Variants in MYO5B observed in about 807,000 individuals in gnomAD.
MYO5B encodes the protein unconventional myosin-Vb.
In MYO5B, 143 loss-of-function variants were observed where a neutral mutation model predicts 229.3. That is an observed-to-expected ratio of 0.62 (90% CI 0.54 to 0.72). The LOEUF (loss-of-function observed/expected upper bound fraction) is 0.72, where lower values mean the gene tolerates loss of function less well. MYO5B is among the 30% of genes least tolerant of loss of function. The pLI, the probability that MYO5B is intolerant of heterozygous loss-of-function variation, is 0.00. For missense variants in MYO5B, 2,321 were observed against 2,331.0 expected (o/e 1.00, Z 0.09); for synonymous variants, 918 against 885.2 (o/e 1.04, Z -0.66).
chr18:49,929,725 C>A, intron 16 of MYO5B, 127 bp from the exon 17 acceptor site: 2 of 816,852 alleles, frequency 2.4e-6, no homozygotes, highest in Non-Finnish European at 4.0e-6. Flanking sequence ...GTTACAGCCA[C>A]TGAGTTACCC....
At chr18:49,973,575 T>G (rs1332008672) in intron 10 of MYO5B, among the ~76,000 whole-genome samples, 1 of 152,174 alleles carries the variant, frequency 6.6e-6, no homozygotes, top group Non-Finnish European at 1.5e-5. Flanking sequence ...AGAAAAGAAG[T>G]GCAAGGTAGG....
At chr18:50,002,755 T>A (rs535993871) in intron 4 of MYO5B, among the ~76,000 whole-genome samples, 20 of 152,268 alleles carry the variant, frequency 1.3e-4, no homozygotes, top group Admixed American at 2.0e-4. Context: ...TATATATCAC[T>A]AAACTGGAAG....
intron 1 of MYO5B, among the ~76,000 whole-genome samples, chr18:50,148,266 C>G (rs1010441799): frequency 9.3e-5 from 14 of 149,794 alleles, no homozygotes; most frequent in African/African-American, 3.2e-4. Flanking sequence ...CAAGGAGGAA[C>G]TGGTACCATT....
In MYO5B at chr18:49,912,179, G is replaced by A. The variant is rs1237163441; in HGVS notation, c.2091-6C>T. 3.1e-6 allele frequency: 5 copies of A among 1,612,440 alleles called. No homozygotes were observed. The highest frequency in any genetic ancestry group is 4.2e-6 in the Non-Finnish European group (5 of 1,178,888). ...AAAAGTCATGGTAGGCCCACCTGGA[G>A]GGAAAGCAAAGGGGCATCAGGTGAC... On this transcript the variant is annotated splice_region_variant and splice_polypyrimidine_tract_variant and intron_variant, in intron 17 of 39. Coordinates refer to ENST00000285039, the MANE Select transcript of MYO5B (RefSeq NM_001080467.3).
At chr18:49,844,092 AG>A (rs2024096617) in intron 33 of MYO5B, among the ~76,000 whole-genome samples, 1 of 152,212 alleles carries the variant, frequency 6.6e-6, no homozygotes, top group Admixed American at 6.5e-5. Flanking sequence ...TGCCTGGGCA[AG>A]GGCTGCTCTG....
chr18:50,115,975 A>C (rs984241285), intron 1 of MYO5B, among the ~76,000 whole-genome samples: 12 of 152,210 alleles, frequency 7.9e-5, no homozygotes, highest in African/African-American at 2.9e-4. Flanking sequence ...GAAACTAACA[A>C]TGCAACACCA....
intron 1 of MYO5B, among the ~76,000 whole-genome samples, chr18:50,138,753 G>A (rs1273691462): frequency 2.0e-5 from 3 of 152,052 alleles, no homozygotes; most frequent in Non-Finnish European, 2.9e-5. Flanking sequence ...TTAAACCCTT[G>A]TTATCCACAG....
intron 33 of MYO5B, 68 bp downstream of exon 33, chr18:49,847,078 G>A: frequency 6.3e-7 from 1 of 1,599,298 alleles, no homozygotes; most frequent in Non-Finnish European, 8.6e-7. Context: ...GGGTTGTGCT[G>A]GGGATGGAGA....
Position 49,955,687 on chromosome 18 carries a change from A to C in MYO5B, c.1546-1252T>G, listed in dbSNP as rs1047070322. 1.3e-4 allele frequency among the ~76,000 whole-genome samples: 20 copies of C among 152,262 alleles called. No homozygotes were observed. In the East Asian group the frequency reaches 3.7e-3, roughly 28 times the overall value. ...AATACTCAATGCTAAACACCATAGGAAATTCAAGAAAAGAAAACTATCTTG... is the reference window on the plus strand; with the variant it reads ...AATACTCAATGCTAAACACCATAGGCAATTCAAGAAAAGAAAACTATCTTG... On this transcript the variant is annotated intron_variant, in intron 12 of 39. Coordinates refer to ENST00000285039, the MANE Select transcript of MYO5B (RefSeq NM_001080467.3).
intron 25 of MYO5B, 104 bp downstream of exon 25, chr18:49,877,659 G>A (rs2024541699): frequency 6.6e-7 from 1 of 1,516,676 alleles, no homozygotes; most frequent in Non-Finnish European, 9.1e-7. Context: ...GGGCACTCTG[G>A]TCACCATCAG....
rs1402288445 is a variant in MYO5B, at chr18:49,842,551, G to A, written c.4611+690C>T. 2.0e-5 allele frequency among the ~76,000 whole-genome samples: 3 copies of A among 152,242 alleles called. No individual in the cohort carries two copies. In the East Asian group the frequency reaches 5.8e-4, roughly 29 times the overall value. On this transcript the variant is annotated intron_variant, in intron 34 of 39. Transcript: ENST00000285039. ...ACTCGGGGCACAGGCCTGCTAGCAG[G>A]TAGAAATCCCTCTCACTGAGGGTTC...
intron 25 of MYO5B, 113 bp downstream of exon 25, chr18:49,877,650 G>A (rs2024541543): frequency 1.3e-5 from 18 of 1,432,074 alleles, no homozygotes; most frequent in Middle Eastern, 4.8e-4. Context: ...TTAGCCCCTG[G>A]GCACTCTGGT....
At chr18:49,924,130 A>G in intron 17 of MYO5B, among the ~76,000 whole-genome samples, 1 of 152,140 alleles carries the variant, frequency 6.6e-6, no homozygotes, top group Non-Finnish European at 1.5e-5. Context: ...AGGTCTGGGA[A>G]TTTCAGAATG....
At chr18:49,916,624 G>C (rs945357188) in intron 17 of MYO5B, among the ~76,000 whole-genome samples, 2 of 152,174 alleles carry the variant, frequency 1.3e-5, no homozygotes, top group Non-Finnish European at 2.9e-5. Flanking sequence ...AGGCTGAGGG[G>C]AGAGGAGATG....
chr18:50,118,605 A>T (rs192590313), intron 1 of MYO5B, among the ~76,000 whole-genome samples: 2 of 150,438 alleles, frequency 1.3e-5, no homozygotes, highest in East Asian at 3.9e-4. Context: ...ACATATGTAT[A>T]CATGTGCCAT....
chr18:50,142,801 T>C (rs1344987537), intron 1 of MYO5B, among the ~76,000 whole-genome samples: 1 of 152,198 alleles, frequency 6.6e-6, no homozygotes, highest in East Asian at 1.9e-4. Flanking sequence ...GACAACAGCA[T>C]TCAGGTTTGC....
intron 1 of MYO5B, among the ~76,000 whole-genome samples, chr18:50,144,234 G>C (rs2032464453): frequency 6.6e-6 from 1 of 152,196 alleles, no homozygotes. Flanking sequence ...CACAGCATCA[G>C]TAACTTTTTC....
In MYO5B at chr18:49,912,147, C is replaced by T. The variant is rs373021162; in HGVS notation, c.2117G>A (p.Arg706Gln). The change falls in exon 18 of 40, where the codon CGG becomes CAG. Residue 706 changes from arginine (R) to glutamine (Q), a missense_variant. This residue lies in a region of MYO5B where 2,113 missense variants were observed against 2,044.7 expected (regional missense o/e 1.03). Coordinates refer to ENST00000285039, the MANE Select transcript of MYO5B (RefSeq NM_001080467.3). ...SRWAYHDFFN[R>Q]YRVLVKKREL... ...TCTCTTCTTGACCAGCACCCGATAC[C>T]GGTTGAAAAAGTCATGGTAGGCCCA... 12 of 1,613,962 alleles carry T rather than the reference C, an allele frequency of 7.4e-6. No homozygotes were observed. The highest frequency in any genetic ancestry group is 1.7e-4 in the Middle Eastern group (1 of 6,006).
intron 30 of MYO5B, 151 bp downstream of exon 30, chr18:49,856,662 G>A (rs1026748796): frequency 1.4e-4 from 101 of 732,720 alleles, no homozygotes; most frequent in Non-Finnish European, 1.2e-4. Flanking sequence ...TGGGCACAGT[G>A]ACAGATGGTC....
Sources: allele counts gnomAD v4.1 joint callset (sites outside exome capture counted in the v4.1 genomes callset), GRCh38; gene constraint gnomAD v4.1.1; regional missense constraint gnomAD v4.1.1; transcripts MANE v1.5; gene names NCBI Gene and HGNC (gene_info 2026-07-23, HGNC 2026-07-21).